R3HDM2: variants seen among roughly 807,000 people sequenced by gnomAD.
R3HDM2 encodes R3H domain-containing protein 2.
In R3HDM2, 38 loss-of-function variants were observed where a neutral mutation model predicts 124.5. That is an observed-to-expected ratio of 0.31 (90% CI 0.24 to 0.40). The LOEUF is 0.40. R3HDM2 is among the 10% of genes least tolerant of loss of function. The probability of loss-of-function intolerance (pLI) is 1.00; values close to 1 mark genes in which losing one functional copy is unlikely to be tolerated. For missense variants in R3HDM2, 869 were observed against 1,236.9 expected (o/e 0.70, Z 4.46); for synonymous variants, 391 against 448.0 (o/e 0.87, Z 1.61).
Position 57,296,994 on chromosome 12 carries a change from C to G in R3HDM2, c.560+334G>C. On this transcript the variant is annotated intron_variant, in intron 8 of 23. Transcript: ENST00000402412. This position sits in a 1 kb window ranked among gnomAD's most constrained non-coding sequence, Gnocchi z 4.5. ...CACTTGAACCCAGGAGGCAGAATTG[C>G]AGTGAGTCAAGACTGTACCACGGCG... The G allele has an allele frequency of 4.3e-6, 1 of 232,266 alleles. No individual in the cohort carries two copies. The highest frequency in any genetic ancestry group is 8.4e-6 in the Non-Finnish European group (1 of 119,078). The allele number at this position is 232,266 out of a possible 1,614,324, so 14.4% of individuals were successfully genotyped here.
At chr12:57,266,966 A>G (rs2042570361) in intron 18 of R3HDM2, 135 bp from the exon 19 acceptor site, 6 of 600,072 alleles carry the variant, frequency 1.0e-5, no homozygotes, top group Non-Finnish European at 1.5e-5. Context: ...CCAATTTGCC[A>G]TGCAATTTCT....
intron 2 of R3HDM2, among the ~76,000 whole-genome samples, chr12:57,327,982 A>G (rs911208039): frequency 2.0e-5 from 3 of 152,308 alleles, no homozygotes; most frequent in South Asian, 4.1e-4. Context: ...TGCAAGTTCA[A>G]CTGTGGATAA....
chr12:57,280,658 C>G (rs1351557218), intron 13 of R3HDM2, 128 bp from the exon 14 acceptor site: 6 of 825,066 alleles, frequency 7.3e-6, no homozygotes, highest in African/African-American at 5.2e-5. Context: ...TCCCCTCCCC[C>G]ACTGTCTTTT....
intron 1 of R3HDM2, among the ~76,000 whole-genome samples, chr12:57,416,798 A>G (rs992061538): frequency 6.6e-6 from 1 of 150,964 alleles, no homozygotes; most frequent in Admixed American, 6.6e-5. Context: ...ACAGAGTGAG[A>G]CTCTGTCCCC....
intron 2 of R3HDM2, among the ~76,000 whole-genome samples, chr12:57,320,960 C>T (rs911390170): frequency 2.6e-5 from 4 of 152,170 alleles, no homozygotes; most frequent in Non-Finnish European, 2.9e-5. Context: ...TCCTTGGAAG[C>T]TTTCCGGTCC....
chr12:57,367,252 C>T (rs2062776793), intron 2 of R3HDM2, among the ~76,000 whole-genome samples: 1 of 152,120 alleles, frequency 6.6e-6, no homozygotes, highest in Non-Finnish European at 1.5e-5. Flanking sequence ...GAGTAGTTTC[C>T]TCATACCAGT....
chr12:57,303,663 T>A (rs2051825699), intron 3 of R3HDM2, among the ~76,000 whole-genome samples: 1 of 151,768 alleles, frequency 6.6e-6, no homozygotes, highest in South Asian at 2.1e-4. Context: ...GCACCTGTAG[T>A]CTCAGGTATC....
chr12:57,304,370 G>A (rs1310547905), intron 3 of R3HDM2: 1 of 338,858 alleles, frequency 3.0e-6, no homozygotes, highest in Non-Finnish European at 4.2e-6. Flanking sequence ...ATGGGGATGA[G>A]GCACTTAGGA....
intron 2 of R3HDM2, among the ~76,000 whole-genome samples, chr12:57,374,426 A>T (rs933504448): frequency 1.3e-5 from 2 of 151,888 alleles, no homozygotes; most frequent in African/African-American, 4.8e-5. Flanking sequence ...GTGGTGGCTC[A>T]CGTCTGTAAT....
Position 57,428,748 on chromosome 12 carries a change from AT to A in R3HDM2, c.-106+1971del, listed in dbSNP as rs920947925. On this transcript the variant is annotated intron_variant, in intron 1 of 23. Transcript: ENST00000402412. ...ATTAAAAAATATTAGGCATGCTATT[AT>A]TTTTTTTTTTTTTTTGAGACAGTCT... Among the ~76,000 whole-genome samples the A allele has an allele frequency of 5.3e-3, 599 of 113,402 alleles. 5 individuals are homozygous for A. The highest frequency in any genetic ancestry group is 0.015 in the African/African-American group (499 of 33,460). 74.4% of individuals were successfully genotyped at this position (113,402 alleles called of 152,430 possible).
intron 1 of R3HDM2, among the ~76,000 whole-genome samples, chr12:57,419,484 C>T (rs1477130940): frequency 6.6e-6 from 1 of 151,546 alleles, no homozygotes; most frequent in Non-Finnish European, 1.5e-5. Context: ...CTCTGTTGAC[C>T]AGCCTGGGGT....
At chr12:57,272,559 G>C in intron 14 of R3HDM2, 1 of 1,464,618 alleles carries the variant, frequency 6.8e-7, no homozygotes, top group Non-Finnish European at 9.1e-7. Context: ...GACTGGCTGT[G>C]GGCCAGCAGA....
rs149338575 is a variant in R3HDM2 at position 57,395,322 on chromosome 12, C to T, written c.-36+427G>A. On this transcript the variant is annotated intron_variant, in intron 2 of 23. Transcript: ENST00000402412. ...GAGTTCCAGACCAGCCTGACCAACA[C>T]GGAGAAACGCTGCCTCTATTAAAAA... 5.4e-3 allele frequency among the ~76,000 whole-genome samples: 816 copies of T among 151,790 alleles called. 5 individuals are homozygous for T. Among genetic ancestry groups the T allele is most frequent in the African/African-American group, 0.018 (766 of 41,430 alleles).
At chr12:57,352,963 T>C (rs1379184177) in intron 2 of R3HDM2, among the ~76,000 whole-genome samples, 1 of 152,088 alleles carries the variant, frequency 6.6e-6, no homozygotes, top group Non-Finnish European at 1.5e-5. Flanking sequence ...ATCAGAGCCA[T>C]ATTCACACCA....
intron 1 of R3HDM2, among the ~76,000 whole-genome samples, chr12:57,405,351 C>T (rs1025601431): frequency 2.0e-5 from 3 of 152,078 alleles, no homozygotes; most frequent in African/African-American, 7.2e-5. Flanking sequence ...TAAAGGAAAA[C>T]CTACTGGCTG....
At position 57,288,909 on chromosome 12, in the gene R3HDM2, G is replaced by T. The variant is rs1441060149; in HGVS notation, c.938+100C>A. On this transcript the variant is annotated intron_variant, in intron 12 of 23. Coordinates refer to ENST00000402412, the MANE Select transcript of R3HDM2 (RefSeq NM_001394031.1). ...CTAGAAGAAAAGGCTTCTTTGGAGA[G>T]TCTGTTGGTTAACATCAAAGAAAAG... The T allele has an allele frequency of 1.9e-6, 3 of 1,551,410 alleles. No individual in the cohort carries two copies. The highest frequency in any genetic ancestry group is 3.9e-5 in the Admixed American group (2 of 50,982).
At chr12:57,303,672 T>C (rs1329284292) in intron 3 of R3HDM2, among the ~76,000 whole-genome samples, 1 of 151,550 alleles carries the variant, frequency 6.6e-6, no homozygotes, top group Non-Finnish European at 1.5e-5. Flanking sequence ...GTCTCAGGTA[T>C]CTGGGAGGCT....
At position 57,327,423 on chromosome 12, in the gene R3HDM2, C is replaced by T. The variant is rs969126341; in HGVS notation, c.-35-16960G>A. Among the ~76,000 whole-genome samples the T allele has an allele frequency of 2.7e-5, 4 of 148,842 alleles. No homozygotes were observed. In the East Asian group the frequency reaches 5.9e-4, roughly 22 times the overall value. On this transcript the variant is annotated intron_variant, in intron 2 of 23. Transcript: ENST00000402412. Reference sequence around the variant, plus strand: ...CGGAGGTTGCAGTGAGCCGAGATCGCGCCATTGCACTCCAGCCTGGGCGAC... The same window carrying T: ...CGGAGGTTGCAGTGAGCCGAGATCGTGCCATTGCACTCCAGCCTGGGCGAC...
chr12:57,270,392 C>CTTGTTTTGTTTTGTT (rs761021651), intron 14 of R3HDM2, among the ~76,000 whole-genome samples: 4 of 148,620 alleles, frequency 2.7e-5, no homozygotes, highest in African/African-American at 5.0e-5. Flanking sequence ...CCGGCTAATT[C>CTTGTTTTGTTTTGTT]TTATTTTGTT....
Sources: gnomAD v4.1 joint callset for allele counts (sites outside exome capture counted in the v4.1 genomes callset) on GRCh38, gnomAD v4.1.1 for gene constraint, Gnocchi (gnomAD v3.1) non-coding constraint, MANE v1.5 for transcripts, NCBI Gene and HGNC (gene_info 2026-07-23, HGNC 2026-07-21) for gene names.